The following ZSCAN25 variants were observed in gnomAD, a reference collection of about 807,000 sequenced individuals.
The protein encoded by ZSCAN25 is zinc finger and SCAN domain-containing protein 25.
A neutral mutation model predicts 38.7 loss-of-function variants in ZSCAN25; 27 were observed. That is an observed-to-expected ratio of 0.70 (90% CI 0.51 to 0.96). The LOEUF is 0.96. Ranked by LOEUF, ZSCAN25 falls within the 40% of genes least tolerant of loss-of-function variation. The pLI is 0.00. For missense variants in ZSCAN25, 637 were observed against 705.9 expected, an observed-to-expected ratio of 0.90 and a Z score of 1.11; for synonymous variants, 273 against 277.7, an observed-to-expected ratio of 0.98 and a Z score of 0.17.
At chr7:99,727,887 C>T in the ZSCAN25 span, among the ~76,000 whole-genome samples, 2 of 152,166 alleles carry the variant, frequency 1.3e-5, no homozygotes, top group African/African-American at 2.4e-5. Context: ...TGCAAGTGTC[C>T]TCCATCATTA....
the ZSCAN25 span, chr7:99,667,103 G>A: frequency 2.0e-4 from 316 of 1,570,660 alleles, no homozygotes; most frequent in Non-Finnish European, 2.7e-4. Flanking sequence ...CACATTAGTT[G>A]TGGTGATCTT....
the ZSCAN25 span, among the ~76,000 whole-genome samples, chr7:99,702,480 G>A: frequency 6.6e-6 from 1 of 152,098 alleles, no homozygotes; most frequent in Non-Finnish European, 1.5e-5. Flanking sequence ...TTGATATCCA[G>A]CTTTCCCAGC....
the ZSCAN25 span, chr7:99,705,595 T>C: frequency 1.2e-6 from 2 of 1,613,308 alleles, no homozygotes; most frequent in Non-Finnish European, 1.7e-6. Flanking sequence ...TTCAGGGGGA[T>C]CTGCAACAGT....
At chr7:99,639,558 A>G in the ZSCAN25 span, among the ~76,000 whole-genome samples, 6 of 152,172 alleles carry the variant, frequency 3.9e-5, no homozygotes, top group African/African-American at 1.4e-4. Flanking sequence ...TTGGGTGTAG[A>G]CTAACCTTCC....
At chr7:99,735,880 C>A in the ZSCAN25 span, among the ~76,000 whole-genome samples, 1 of 152,164 alleles carries the variant, frequency 6.6e-6, no homozygotes, top group Non-Finnish European at 1.5e-5. Context: ...GTTGACTTGG[C>A]TGAGATTGCT....
chr7:99,685,571 G>A, the ZSCAN25 span, among the ~76,000 whole-genome samples: 37 of 152,314 alleles, frequency 2.4e-4, no homozygotes, highest in South Asian at 4.6e-3. Context: ...TTGTGGTTTC[G>A]CAAAGCGTTT....
At chr7:99,648,355 G>A in the ZSCAN25 span, 6 of 1,611,858 alleles carry the variant, frequency 3.7e-6, no homozygotes, top group East Asian at 8.9e-5. Context: ...AGAACAATGG[G>A]TTTTTCTGGT....
At chr7:99,638,153 TG>T in the ZSCAN25 span, 11 of 1,215,072 alleles carry the variant, frequency 9.1e-6, no homozygotes, top group African/African-American at 1.5e-5. Flanking sequence ...AAAAGAAAAG[TG>T]GCAATTGAAA....
the ZSCAN25 span, chr7:99,676,248 CTT>C: frequency 3.1e-6 from 5 of 1,611,082 alleles, no homozygotes; most frequent in African/African-American, 1.3e-5. Context: ...GGGATTGTGA[CTT>C]TATAGATCAG....
Position 99,630,061 on chromosome 7 carries a change from A to G in ZSCAN25, c.*41A>G. On this transcript the variant is annotated 3_prime_UTR_variant, in exon 8 of 8. Transcript: ENST00000394152. ...GGCAGCACCATCATTCATCTTTCTC[A>G]CTGCAGGGCCTTGCGGGGTGCAAGG... is the stretch of plus-strand genomic sequence containing the variant. The G allele has an allele frequency of 6.8e-7, 1 of 1,474,854 alleles. No homozygotes were observed. Among genetic ancestry groups the G allele is most frequent in the African/African-American group, 1.4e-5 (1 of 70,916 alleles). The allele number at this position is 1,474,854 out of a possible 1,614,324, so 91.4% of individuals were successfully genotyped here.
the ZSCAN25 span, among the ~76,000 whole-genome samples, chr7:99,686,476 C>T: frequency 2.0e-5 from 3 of 152,054 alleles, no homozygotes; most frequent in African/African-American, 7.2e-5. Flanking sequence ...CTGCCATTGC[C>T]CAGACTTGAT....
chr7:99,737,734 G>T, the ZSCAN25 span, among the ~76,000 whole-genome samples: 2 of 152,198 alleles, frequency 1.3e-5, no homozygotes, highest in African/African-American at 4.8e-5. Context: ...ACTTCAGGAG[G>T]TGGTGTGACT....
intron 6 of ZSCAN25, 31 bp from the exon 7 acceptor site, chr7:99,624,026 C>A (rs1807237119): frequency 6.2e-7 from 1 of 1,613,968 alleles, no homozygotes; most frequent in Non-Finnish European, 8.5e-7. Context: ...AGGATTCTTT[C>A]TTTATTCATA....
chr7:99,645,134 G>A, the ZSCAN25 span, among the ~76,000 whole-genome samples: 1 of 152,172 alleles, frequency 6.6e-6, no homozygotes, highest in Non-Finnish European at 1.5e-5. Context: ...GAGATTACAG[G>A]TGAGTGCCAC....
chr7:99,624,609 G>T, intron 7 of ZSCAN25: 1 of 187,660 alleles, frequency 5.3e-6, no homozygotes, highest in Non-Finnish European at 1.1e-5. Context: ...GCACGAAAGC[G>T]TTGGAGCTCA....
chr7:99,707,894 A>T, the ZSCAN25 span: 2 of 1,613,922 alleles, frequency 1.2e-6, no homozygotes, highest in South Asian at 2.2e-5. Flanking sequence ...AGCAAACCTC[A>T]TGCCAATGCA....
chr7:99,717,829 T>C, the ZSCAN25 span, among the ~76,000 whole-genome samples: 4 of 152,222 alleles, frequency 2.6e-5, no homozygotes, highest in East Asian at 1.9e-4. Flanking sequence ...GTCTCCAGCC[T>C]GTATATCCCA....
At chr7:99,642,942 G>T in the ZSCAN25 span, among the ~76,000 whole-genome samples, 1 of 152,138 alleles carries the variant, frequency 6.6e-6, no homozygotes. Context: ...CAGTATGGGC[G>T]TGAAAGTATT....
At chr7:99,720,750 A>G in the ZSCAN25 span, 76 of 252,128 alleles carry the variant, frequency 3.0e-4, no homozygotes, top group African/African-American at 1.4e-3. Flanking sequence ...ATTCTCCACA[A>G]TGTTTCATAG....
Sources: gnomAD v4.1 joint callset for allele counts (sites outside exome capture counted in the v4.1 genomes callset) on GRCh38, gnomAD v4.1.1 for gene constraint, MANE v1.5 for transcripts, NCBI Gene and HGNC (gene_info 2026-07-23, HGNC 2026-07-21) for gene names.